Variants in FER observed in about 807,000 individuals in gnomAD.
FER encodes tyrosine-protein kinase Fer.
FER carries 63 observed loss-of-function variants against 111.0 expected under a neutral mutation model. The observed-to-expected ratio is 0.57, with a 90% CI of 0.46 to 0.70. The LOEUF (loss-of-function observed/expected upper bound fraction) is 0.70. FER is among the 30% of genes least tolerant of loss of function. The probability of loss-of-function intolerance (pLI) is 0.00; values close to 1 mark genes in which losing one functional copy is unlikely to be tolerated. For synonymous variants in FER, 327 were observed against 313.9 expected, an observed-to-expected ratio of 1.04 and a Z score of -0.44; for missense variants, 914 against 954.0, an observed-to-expected ratio of 0.96 and a Z score of 0.55.
At chr5:109,093,111 A>G (rs1747032686) in intron 16 of FER, among the ~76,000 whole-genome samples, 1 of 152,204 alleles carries the variant, frequency 6.6e-6, no homozygotes, top group Non-Finnish European at 1.5e-5. Context: ...GGAAGGGAAA[A>G]CAGTGTTGTT....
chr5:108,749,180 C>G (rs1271643451), intron 1 of FER, among the ~76,000 whole-genome samples: 1 of 152,122 alleles, frequency 6.6e-6, no homozygotes, highest in Non-Finnish European at 1.5e-5. Flanking sequence ...GCCAGCGCCC[C>G]CCCCAACCCC....
At chr5:109,065,329 T>C (rs1053585408) in intron 16 of FER, among the ~76,000 whole-genome samples, 1 of 152,250 alleles carries the variant, frequency 6.6e-6, no homozygotes, top group Non-Finnish European at 1.5e-5. Flanking sequence ...TGTTTTATTT[T>C]TTCCTGCTTG....
chr5:109,093,745 G>A (rs1203528200), intron 16 of FER, among the ~76,000 whole-genome samples: 1 of 152,068 alleles, frequency 6.6e-6, no homozygotes, highest in African/African-American at 2.4e-5. Context: ...AGCTTGAATT[G>A]ATGCCTTCTT....
intron 16 of FER, among the ~76,000 whole-genome samples, chr5:109,072,075 G>T (rs1210623593): frequency 1.3e-5 from 2 of 151,272 alleles, no homozygotes. Flanking sequence ...ATATAAATAA[G>T]ACCAAGATTG....
chr5:108,815,181 A>C (rs1464129056), intron 3 of FER, among the ~76,000 whole-genome samples: 1 of 152,154 alleles, frequency 6.6e-6, no homozygotes, highest in Non-Finnish European at 1.5e-5. Context: ...GCAATGGATA[A>C]CTTTGAATAG....
intron 10 of FER, among the ~76,000 whole-genome samples, chr5:108,914,489 G>C (rs1289388235): frequency 6.6e-6 from 1 of 152,114 alleles, no homozygotes; most frequent in East Asian, 1.9e-4. Flanking sequence ...GTATTCTTCA[G>C]ATCTCTTGTG....
rs1759468533 is a variant in FER, at chr5:109,192,805, G to C, written c.*5230G>C. ...CTTACTATGATGAGAGCTACTGTGG[G>C]GAAACATAGTATTCAACAGAGAAAT... On this transcript the variant is annotated 3_prime_UTR_variant, in exon 20 of 20. Transcript: ENST00000281092. 1 of 152,060 alleles carries C rather than the reference G, an allele frequency of 6.6e-6. No homozygotes were observed. Among genetic ancestry groups the C allele is most frequent in the African/African-American group, 2.4e-5 (1 of 41,380 alleles). The allele number at this position is 152,060 out of a possible 1,614,324, so 9.4% of individuals were successfully genotyped here.
intron 3 of FER, among the ~76,000 whole-genome samples, chr5:108,821,748 A>G (rs889018177): frequency 6.6e-6 from 1 of 151,772 alleles, no homozygotes; most frequent in African/African-American, 2.4e-5. Flanking sequence ...AATTATATGT[A>G]TTTATGGTAT....
In FER at chr5:109,154,857, G is replaced by A. The variant is rs182322167; in HGVS notation, c.2049-25890G>A. On this transcript the variant is annotated intron_variant, in intron 17 of 19. Transcript: ENST00000281092. ...ATTAGCTAAGAAAAGTTAGACATACGCTATAATAACAAATAAATACTACAT... is the reference window on the plus strand; with the variant it reads ...ATTAGCTAAGAAAAGTTAGACATACACTATAATAACAAATAAATACTACAT... 2.0e-3 allele frequency among the ~76,000 whole-genome samples: 299 copies of A among 151,852 alleles called. 1 individual carries two copies. The highest frequency in any genetic ancestry group is 6.8e-3 in the African/African-American group (283 of 41,504).
chr5:108,928,988 T>C (rs148743549), intron 10 of FER, among the ~76,000 whole-genome samples: 1 of 152,228 alleles, frequency 6.6e-6, no homozygotes, highest in East Asian at 1.9e-4. Context: ...TTGTATACTT[T>C]ATTTTGATGA....
intron 17 of FER, among the ~76,000 whole-genome samples, chr5:109,166,844 T>C (rs559722254): frequency 1.3e-5 from 2 of 152,262 alleles, no homozygotes; most frequent in African/African-American, 4.8e-5. Context: ...CTTCTTTACA[T>C]GGTATCAGGA....
At chr5:108,822,943 T>A (rs971566736) in intron 3 of FER, among the ~76,000 whole-genome samples, 1 of 151,478 alleles carries the variant, frequency 6.6e-6, no homozygotes, top group Non-Finnish European at 1.5e-5. Context: ...CCATCTCGGC[T>A]CACTGCAGCC....
In FER at chr5:109,187,676, A is replaced by G; in HGVS notation, c.*101A>G. 1 of 1,344,748 alleles carries G rather than the reference A, an allele frequency of 7.4e-7. No individual in the cohort carries two copies. Among genetic ancestry groups the G allele is most frequent in the East Asian group, 2.4e-5 (1 of 41,594 alleles). The allele number at this position is 1,344,748 out of a possible 1,614,324, so 83.3% of individuals were successfully genotyped here. ...GAATTTATACCACATTACCTTCGAC[A>G]GTCTTCTACCATTATTTTTTATTAA... is the stretch of plus-strand genomic sequence containing the variant. On this transcript the variant is annotated 3_prime_UTR_variant, in exon 20 of 20. Transcript: ENST00000281092.
rs888317223 is a variant in FER, at chr5:109,003,199, A to G, written c.1657-34223A>G. On this transcript the variant is annotated intron_variant, in intron 13 of 19. Transcript: ENST00000281092. ...TTATTGAAGCACTATTCACAATAGC[A>G]AAGACTTGGAACCAACCCAAATGTC... Among the ~76,000 whole-genome samples the G allele has an allele frequency of 2.6e-5, 4 of 152,364 alleles. 1 individual carries two copies. In the East Asian group the frequency reaches 7.7e-4, roughly 29 times the overall value.
chr5:108,763,385 T>C (rs1751974749), intron 1 of FER, among the ~76,000 whole-genome samples: 1 of 152,150 alleles, frequency 6.6e-6, no homozygotes, highest in African/African-American at 2.4e-5. Flanking sequence ...GACAAAACAA[T>C]GTGATGAGGG....
intron 10 of FER, among the ~76,000 whole-genome samples, chr5:108,913,670 AATAC>A (rs1751864401): frequency 6.6e-6 from 1 of 152,166 alleles, no homozygotes; most frequent in Non-Finnish European, 1.5e-5. Flanking sequence ...ACTCAATAGA[AATAC>A]ATACATATGC....
intron 13 of FER, among the ~76,000 whole-genome samples, chr5:109,019,664 C>T (rs950254041): frequency 4.6e-5 from 7 of 151,680 alleles, no homozygotes; most frequent in African/African-American, 1.7e-4. Flanking sequence ...GATTCTGATG[C>T]AGGCTAAAGT....
intron 3 of FER, among the ~76,000 whole-genome samples, chr5:108,809,934 A>G (rs544556118): frequency 5.1e-4 from 78 of 152,292 alleles, no homozygotes; most frequent in African/African-American, 1.8e-3. Context: ...GAGAGCTGGT[A>G]TGATCCTTTG....
intron 17 of FER, among the ~76,000 whole-genome samples, chr5:109,114,199 T>A (rs1020964930): frequency 3.9e-5 from 6 of 152,096 alleles, no homozygotes; most frequent in Non-Finnish European, 2.9e-5. Flanking sequence ...AGCCATGTCT[T>A]TTGTAACTAC....
Sources: gnomAD v4.1 joint callset for allele counts (sites outside exome capture counted in the v4.1 genomes callset) on GRCh38, gnomAD v4.1.1 for gene constraint, MANE v1.5 for transcripts, NCBI Gene and HGNC (gene_info 2026-07-23, HGNC 2026-07-21) for gene names.